The following SGK3 variants were observed in gnomAD, a reference collection of about 807,000 sequenced individuals.
The protein encoded by SGK3 is serine/threonine-protein kinase Sgk3.
Under a neutral mutation model 68.5 loss-of-function variants are expected in SGK3, and 47 were observed. The ratio of observed to expected loss-of-function variants is 0.69; its 90% CI spans 0.54 to 0.87. The LOEUF is 0.87. Among genes scored for constraint, SGK3 ranks in the 40% least tolerant of loss-of-function variants. SGK3 has a pLI of 0.00. For synonymous variants in SGK3, 181 were observed against 189.1 expected (o/e 0.96, Z 0.35); for missense variants, 479 against 575.5 (o/e 0.83, Z 1.72).
At chr8:66,852,838 ATTATT>A (rs1810350402) in intron 16 of SGK3, among the ~76,000 whole-genome samples, 2 of 152,190 alleles carry the variant, frequency 1.3e-5, no homozygotes, top group South Asian at 4.1e-4. Context: ...ACTCTTAAGA[ATTATT>A]TTATTTTTCT....
chr8:66,811,770 G>A (rs1203833087), intron 4 of SGK3, among the ~76,000 whole-genome samples: 2 of 152,130 alleles, frequency 1.3e-5, no homozygotes, highest in Non-Finnish European at 2.9e-5. Context: ...GTAGTTATTA[G>A]GTTTTCTTTG....
intron 1 of SGK3, among the ~76,000 whole-genome samples, chr8:66,723,334 C>T (rs558339811): frequency 2.7e-5 from 4 of 150,616 alleles, no homozygotes; most frequent in Non-Finnish European, 5.9e-5. Flanking sequence ...ATCCCAGCTA[C>T]TCAGGAGGTT....
chr8:66,728,887 G>C (rs1805055206), intron 1 of SGK3, among the ~76,000 whole-genome samples: 1 of 151,614 alleles, frequency 6.6e-6, no homozygotes, highest in African/African-American at 2.4e-5. Context: ...CTGCACTCCA[G>C]CCTGGGCAAC....
intron 1 of SGK3, among the ~76,000 whole-genome samples, chr8:66,783,128 C>G (rs1807058994): frequency 6.6e-6 from 1 of 152,232 alleles, no homozygotes. Context: ...CCTATCCTCA[C>G]CAGCATTTGG....
In SGK3 at chr8:66,793,725, T is replaced by C. The variant is rs770790969; in HGVS notation, c.-12T>C. 6 of 1,611,692 alleles carry C rather than the reference T, an allele frequency of 3.7e-6. No individual in the cohort carries two copies. The highest frequency in any genetic ancestry group is 1.7e-4 in the Middle Eastern group (1 of 6,060). On this transcript the variant is annotated 5_prime_UTR_variant, in exon 2 of 17. Transcript: ENST00000521198. Reference sequence around the variant, plus strand: ...TTCGGATGCATTTTTTGGTGTGCTCTTGAGGGATTAAATGCAAAGAGATCA... The same window carrying C: ...TTCGGATGCATTTTTTGGTGTGCTCCTGAGGGATTAAATGCAAAGAGATCA...
At chr8:66,844,859 T>G (rs1809944585) in intron 14 of SGK3, among the ~76,000 whole-genome samples, 1 of 152,252 alleles carries the variant, frequency 6.6e-6, no homozygotes, top group South Asian at 2.1e-4. Flanking sequence ...TTCTTTGCCC[T>G]TGACTGTGAC....
chr8:66,828,122 T>C (rs140640584), intron 6 of SGK3, among the ~76,000 whole-genome samples: 3,269 of 149,808 alleles, frequency 0.022, 134 homozygotes, highest in African/African-American at 0.076. Context: ...AGACTCCGTC[T>C]CAGAAAAAAA....
At chr8:66,804,518 T>C in intron 4 of SGK3, 71 bp downstream of exon 4, 1 of 1,491,182 alleles carries the variant, frequency 6.7e-7, no homozygotes, top group Non-Finnish European at 9.3e-7. Context: ...AATGTATTCA[T>C]TGCACTGTAT....
chr8:66,821,854 C>T (rs1009754922), intron 5 of SGK3, among the ~76,000 whole-genome samples: 2 of 151,812 alleles, frequency 1.3e-5, no homozygotes, highest in Non-Finnish European at 2.9e-5. Context: ...TATGGTTTAC[C>T]CCAAAAATTA....
chr8:66,753,125 G>C (rs1489902641), intron 1 of SGK3, among the ~76,000 whole-genome samples: 1 of 152,100 alleles, frequency 6.6e-6, no homozygotes, highest in South Asian at 2.1e-4. Context: ...GCTTGTTTCA[G>C]GTACAACAAC....
At chr8:66,797,260 T>A (rs1807735887) in intron 2 of SGK3, among the ~76,000 whole-genome samples, 1 of 152,234 alleles carries the variant, frequency 6.6e-6, no homozygotes, top group African/African-American at 2.4e-5. Context: ...CTAAGTGTTT[T>A]ATTCTCTTAC....
intron 1 of SGK3, among the ~76,000 whole-genome samples, chr8:66,726,801 T>TAAAAAA (rs560794837): frequency 2.2e-4 from 18 of 80,978 alleles, no homozygotes; most frequent in African/African-American, 9.8e-4. Context: ...ACCCTGTCTG[T>TAAAAAA]AAAAAAAAAA....
chr8:66,791,467 C>T (rs1013342830), intron 1 of SGK3, among the ~76,000 whole-genome samples: 1 of 152,174 alleles, frequency 6.6e-6, no homozygotes, highest in Non-Finnish European at 1.5e-5. Flanking sequence ...CTACACTTAA[C>T]TCCCAGCTGT....
At chr8:66,752,750 G>A (rs372917146) in intron 1 of SGK3, among the ~76,000 whole-genome samples, 5 of 152,172 alleles carry the variant, frequency 3.3e-5, no homozygotes, top group East Asian at 3.8e-4. Context: ...GGGATGCTGA[G>A]GGAGATTAAG....
intron 1 of SGK3, among the ~76,000 whole-genome samples, chr8:66,746,408 T>C (rs1288199271): frequency 6.6e-6 from 1 of 152,172 alleles, no homozygotes; most frequent in Non-Finnish European, 1.5e-5. Flanking sequence ...TTTCTCTGTC[T>C]ACATCATTTA....
chr8:66,735,971 G>T (rs1033840900), intron 1 of SGK3, among the ~76,000 whole-genome samples: 2 of 152,152 alleles, frequency 1.3e-5, no homozygotes, highest in Non-Finnish European at 2.9e-5. Flanking sequence ...GGTAACAAAT[G>T]GAATGAACGT....
rs1393499232 is a variant in SGK3 at position 66,813,899 on chromosome 8, C to T, written c.300C>T (p.Asn100=). 9 of 1,595,248 alleles carry T rather than the reference C, an allele frequency of 5.6e-6. No individual in the cohort carries two copies. Among genetic ancestry groups the T allele is most frequent in the Non-Finnish European group, 7.7e-6 (9 of 1,171,764 alleles). ...CAGGACTAAACGAATTCATTCAGAACCTAGTTAGGTATCCAGAACTTTATA... is the reference window on the plus strand; with the variant it reads ...CAGGACTAAACGAATTCATTCAGAATCTAGTTAGGTATCCAGAACTTTATA... ...RRAGLNEFIQ[N]LVRYPELYNH... is the part of the protein sequence containing the mutation. The change falls in exon 5 of 17, where the codon AAC becomes AAT. Residue 100 remains asparagine (N), a synonymous_variant. Coordinates refer to ENST00000521198, the MANE Select transcript of SGK3 (RefSeq NM_001033578.3).
intron 6 of SGK3, among the ~76,000 whole-genome samples, chr8:66,824,145 A>G (rs1480294990): frequency 6.6e-6 from 1 of 152,152 alleles, no homozygotes; most frequent in African/African-American, 2.4e-5. Context: ...AAGAGAACAA[A>G]TGTTACTTTT....
At chr8:66,763,832 C>T (rs192436765) in intron 1 of SGK3, among the ~76,000 whole-genome samples, 125 of 152,082 alleles carry the variant, frequency 8.2e-4, no homozygotes, top group Middle Eastern at 6.8e-3. Context: ...AGGATAGGAA[C>T]ATAATTACTA....
Sources: allele counts gnomAD v4.1 joint callset (sites outside exome capture counted in the v4.1 genomes callset), GRCh38; gene constraint gnomAD v4.1.1; transcripts MANE v1.5; gene names NCBI Gene and HGNC (gene_info 2026-07-23, HGNC 2026-07-21).